TANGO6: variants seen among roughly 807,000 people sequenced by gnomAD.
The protein encoded by TANGO6 is transport and Golgi organization protein 6 homolog.
Under a neutral mutation model 114.2 loss-of-function variants are expected in TANGO6, and 90 were observed. The observed-to-expected ratio is 0.79, with a 90% CI of 0.66 to 0.94. The LOEUF is 0.94. Among genes scored for constraint, TANGO6 ranks in the 40% least tolerant of loss-of-function variants. TANGO6 has a pLI of 0.00. For missense variants in TANGO6, 1,274 were observed against 1,315.3 expected (o/e 0.97, Z 0.49); for synonymous variants, 477 against 509.8 (o/e 0.94, Z 0.87).
chr16:68,954,829 G>A (rs1279756907), intron 14 of TANGO6, among the ~76,000 whole-genome samples: 8 of 152,084 alleles, frequency 5.3e-5, no homozygotes, highest in Admixed American at 2.6e-4. Flanking sequence ...ATTTTTTAGC[G>A]GTGGAATCCA....
intron 17 of TANGO6, among the ~76,000 whole-genome samples, chr16:69,075,339 A>G (rs1960358844): frequency 6.6e-6 from 1 of 152,188 alleles, no homozygotes; most frequent in African/African-American, 2.4e-5. Flanking sequence ...TAAGAGCATT[A>G]GCTCCTACAC....
intron 14 of TANGO6, among the ~76,000 whole-genome samples, chr16:68,961,164 G>T (rs1311343400): frequency 1.3e-5 from 2 of 152,200 alleles, no homozygotes; most frequent in African/African-American, 4.8e-5. Flanking sequence ...GCTGACCTTG[G>T]AGTCCATGAG....
At chr16:68,914,199 T>C (rs1396302396) in intron 11 of TANGO6, among the ~76,000 whole-genome samples, 2 of 152,224 alleles carry the variant, frequency 1.3e-5, no homozygotes, top group Non-Finnish European at 2.9e-5. Context: ...TTTGCTCTTG[T>C]TGCCCAGGCT....
chr16:68,926,033 G>A (rs1178330208), intron 12 of TANGO6, among the ~76,000 whole-genome samples: 2 of 150,100 alleles, frequency 1.3e-5, no homozygotes, highest in East Asian at 3.9e-4. Flanking sequence ...TATTTGTCTT[G>A]GCTGGTTTTT....
intron 14 of TANGO6, among the ~76,000 whole-genome samples, chr16:68,968,147 C>T (rs1963663821): frequency 6.6e-6 from 1 of 151,910 alleles, no homozygotes; most frequent in South Asian, 2.1e-4. Flanking sequence ...TTCAATGCAA[C>T]CTCCACCTCC....
chr16:68,878,520 T>C (rs1005494216), intron 6 of TANGO6, among the ~76,000 whole-genome samples: 1 of 152,194 alleles, frequency 6.6e-6, no homozygotes, highest in African/African-American at 2.4e-5. Context: ...TCTTTCTCTC[T>C]TTCTATACAT....
At chr16:69,042,712 C>T (rs564558120) in intron 17 of TANGO6, among the ~76,000 whole-genome samples, 9 of 152,054 alleles carry the variant, frequency 5.9e-5, no homozygotes, top group African/African-American at 9.7e-5. Context: ...GCTATAGGGA[C>T]AATAATACAC....
intron 15 of TANGO6, among the ~76,000 whole-genome samples, chr16:69,009,502 C>T (rs961555806): frequency 6.6e-6 from 1 of 152,146 alleles, no homozygotes; most frequent in Non-Finnish European, 1.5e-5. Context: ...GTGAGTCCTC[C>T]AACTTTTTCA....
intron 7 of TANGO6, among the ~76,000 whole-genome samples, chr16:68,898,634 TG>T (rs778684368): frequency 6.6e-6 from 1 of 152,050 alleles, no homozygotes; most frequent in Non-Finnish European, 1.5e-5. Context: ...GCCATCACAC[TG>T]GGCCGCTTTC....
chr16:68,863,432 C>CT (rs1285593690), intron 3 of TANGO6, among the ~76,000 whole-genome samples: 1 of 152,072 alleles, frequency 6.6e-6, no homozygotes, highest in African/African-American at 2.4e-5. Flanking sequence ...TGGAGAAACC[C>CT]TGTCTCTACT....
At chr16:69,083,242 G>A (rs991367441) in intron 17 of TANGO6, among the ~76,000 whole-genome samples, 7 of 151,722 alleles carry the variant, frequency 4.6e-5, no homozygotes, top group Non-Finnish European at 7.4e-5. Context: ...TGTATATTTT[G>A]TAGAGATGGG....
intron 15 of TANGO6, among the ~76,000 whole-genome samples, chr16:69,002,243 A>G (rs979436231): frequency 6.6e-6 from 1 of 152,174 alleles, no homozygotes; most frequent in Non-Finnish European, 1.5e-5. Flanking sequence ...AATTCAGTTG[A>G]CTGAGAAGAA....
chr16:68,952,128 C>A (rs1001472524), intron 14 of TANGO6, among the ~76,000 whole-genome samples: 2 of 152,132 alleles, frequency 1.3e-5, no homozygotes, highest in African/African-American at 2.4e-5. Context: ...GCTTAAATGT[C>A]CACTTTACAA....
At chr16:68,869,032 A>G (rs939432378) in intron 4 of TANGO6, among the ~76,000 whole-genome samples, 5 of 152,232 alleles carry the variant, frequency 3.3e-5, no homozygotes, top group East Asian at 1.9e-4. Flanking sequence ...CAGCTGATCT[A>G]TATTGTATAT....
intron 15 of TANGO6, among the ~76,000 whole-genome samples, chr16:69,017,305 T>C (rs251108): frequency 0.6 from 91,271 of 152,022 alleles, 27,935 homozygotes; most frequent in Non-Finnish European, 0.67. Context: ...TTATGATTAG[T>C]CCCCCAGGGC....
intron 15 of TANGO6, among the ~76,000 whole-genome samples, chr16:69,006,098 G>A (rs987930163): frequency 7.9e-5 from 12 of 152,186 alleles, no homozygotes; most frequent in African/African-American, 2.7e-4. Flanking sequence ...TGGCAGAAGC[G>A]ATGCCAGTCA....
intron 14 of TANGO6, among the ~76,000 whole-genome samples, chr16:68,971,732 A>G (rs966016153): frequency 2.0e-5 from 3 of 151,752 alleles, no homozygotes; most frequent in African/African-American, 7.3e-5. Flanking sequence ...CTGGGGTTCA[A>G]GCGATTCTCC....
chr16:68,847,999 CAAAA>C (rs1329686470), intron 1 of TANGO6, among the ~76,000 whole-genome samples: 2 of 62,314 alleles, frequency 3.2e-5, no homozygotes, highest in East Asian at 5.2e-4. Context: ...GACTCCATCA[CAAAA>C]AAAAAAAAAA....
intron 14 of TANGO6, among the ~76,000 whole-genome samples, chr16:68,953,634 G>A (rs1963496027): frequency 6.6e-6 from 1 of 151,978 alleles, no homozygotes; most frequent in Non-Finnish European, 1.5e-5. Flanking sequence ...TGGCTCCAGG[G>A]CAAAATTTAA....
Sources: gnomAD v4.1 joint callset for allele counts (sites outside exome capture counted in the v4.1 genomes callset) on GRCh38, gnomAD v4.1.1 for gene constraint, MANE v1.5 for transcripts, NCBI Gene and HGNC (gene_info 2026-07-23, HGNC 2026-07-21) for gene names.